The following CAP1 variants were observed in gnomAD, a reference collection of about 807,000 sequenced individuals.
The protein encoded by CAP1 is adenylyl cyclase-associated protein 1.
CAP1 carries 11 observed loss-of-function variants against 58.2 expected under a neutral mutation model. That is an observed-to-expected ratio of 0.19 (90% CI 0.12 to 0.31). The LOEUF is 0.31. Ranked by LOEUF, CAP1 falls within the 10% of genes least tolerant of loss-of-function variation. CAP1 has a pLI of 1.00. For missense variants in CAP1, 423 were observed against 587.5 expected, an observed-to-expected ratio of 0.72 and a Z score of 2.89; for synonymous variants, 183 against 213.8, an observed-to-expected ratio of 0.86 and a Z score of 1.26.
chr1:40,069,572 A>G, intron 8 of CAP1, 118 bp from the exon 9 acceptor site: 1 of 808,406 alleles, frequency 1.2e-6, no homozygotes, highest in Non-Finnish European at 2.0e-6. Context: ...CTTGCAAGAG[A>G]ACATCTCAAA....
At chr1:40,066,366 C>A (rs1282228390) in intron 7 of CAP1, 46 bp downstream of exon 7, 4 of 850,976 alleles carry the variant, frequency 4.7e-6, no homozygotes, top group African/African-American at 1.7e-5. Context: ...CACTTTCTCT[C>A]TCCAGCATGG....
At chr1:40,062,483 C>G (rs1244780368) in intron 4 of CAP1, among the ~76,000 whole-genome samples, 2 of 152,154 alleles carry the variant, frequency 1.3e-5, no homozygotes, top group Admixed American at 1.3e-4. Flanking sequence ...AGTGTGCTGG[C>G]TCATTCCTGT....
At chr1:40,060,480 C>G (rs1171009455) in intron 3 of CAP1, among the ~76,000 whole-genome samples, 30 of 152,146 alleles carry the variant, frequency 2.0e-4, no homozygotes, top group Admixed American at 2.0e-3. Context: ...ATTACATAAT[C>G]AAACCTACAG....
intron 1 of CAP1, among the ~76,000 whole-genome samples, chr1:40,043,798 AC>A (rs1255574216): frequency 6.6e-6 from 1 of 151,216 alleles, no homozygotes. Flanking sequence ...ACTCGCTTGA[AC>A]CCGGGAGGCG....
intron 1 of CAP1, among the ~76,000 whole-genome samples, chr1:40,051,430 C>T (rs1354639273): frequency 6.6e-6 from 1 of 151,966 alleles, no homozygotes; most frequent in Non-Finnish European, 1.5e-5. Flanking sequence ...GGCATGGTGG[C>T]ATGTAGTTAT....
At chr1:40,061,584 C>G (rs1470973690) in intron 3 of CAP1, 151 bp from the exon 4 acceptor site, 68 of 697,672 alleles carry the variant, frequency 9.7e-5, no homozygotes, top group South Asian at 8.3e-4. Context: ...TAATTCTGCT[C>G]TCAGTCCCTG....
At chr1:40,069,531 G>A in intron 8 of CAP1, 159 bp from the exon 9 acceptor site, 2 of 654,476 alleles carry the variant, frequency 3.1e-6, no homozygotes, top group Middle Eastern at 4.3e-4. Context: ...TTGGGGAGAA[G>A]AGAAATGATA....
chr1:40,067,779 A>C, intron 8 of CAP1, 62 bp downstream of exon 8: 1 of 1,225,088 alleles, frequency 8.2e-7, no homozygotes, highest in Admixed American at 2.3e-5. Flanking sequence ...GACCCCACCA[A>C]CCAGAACCGT....
intron 1 of CAP1, among the ~76,000 whole-genome samples, chr1:40,046,762 G>A (rs201109769): frequency 1.3e-5 from 2 of 149,224 alleles, no homozygotes; most frequent in East Asian, 4.0e-4. Context: ...GTAAGTATTT[G>A]TTTATTTAAA....
At position 40,064,561 on chromosome 1, in the gene CAP1, T is replaced by C; in HGVS notation, c.524+2T>C. 6.2e-7 allele frequency: 1 copy of C among 1,608,374 alleles called. No individual in the cohort carries two copies. Among genetic ancestry groups the C allele is most frequent in the Non-Finnish European group, 8.5e-7 (1 of 1,175,752 alleles). Reference sequence around the variant, plus strand: ...AGTCCTCAAAGAGTACAAAGATGTGTAAGTTCAGCCTTTTCTCTCTTTTTT... The same window carrying C: ...AGTCCTCAAAGAGTACAAAGATGTGCAAGTTCAGCCTTTTCTCTCTTTTTT... On this transcript the variant is annotated splice_donor_variant, in intron 6 of 12. Transcript: ENST00000372805. LOFTEE classifies it high-confidence loss of function.
chr1:40,054,697 A>G (rs1352288191), intron 1 of CAP1, among the ~76,000 whole-genome samples: 2 of 152,178 alleles, frequency 1.3e-5, no homozygotes, highest in South Asian at 2.1e-4. Context: ...GCTGGAGTGC[A>G]GTGGTACTAT....
chr1:40,064,129 A>G, intron 4 of CAP1, 98 bp from the exon 5 acceptor site: 1 of 1,158,342 alleles, frequency 8.6e-7, no homozygotes. Flanking sequence ...TTGGGTGCTC[A>G]CTAGAGTCCA....
intron 1 of CAP1, among the ~76,000 whole-genome samples, chr1:40,052,764 T>G (rs1003484103): frequency 3.3e-5 from 5 of 151,966 alleles, no homozygotes; most frequent in Admixed American, 3.3e-4. Context: ...TGAAAAAAAG[T>G]TGGCCTCCAT....
chr1:40,069,922 T>G, intron 9 of CAP1, 48 bp downstream of exon 9: 1 of 1,493,940 alleles, frequency 6.7e-7, no homozygotes, highest in Non-Finnish European at 8.9e-7. Context: ...ATTATTTTAT[T>G]TTTTTGAGAT....
rs1416007237 is a variant in CAP1 at position 40,069,768 on chromosome 1, G to A, written c.887G>A (p.Gly296Asp). 1.9e-6 allele frequency: 3 copies of A among 1,613,066 alleles called. No homozygotes were observed. The highest frequency in any genetic ancestry group is 2.7e-5 in the African/African-American group (2 of 74,810). Residue 296 changes from glycine (G) to aspartate (D), a missense_variant, in exon 9 of 13, where the codon GGC (glycine) becomes GAC (aspartate). Gly to Asp is a moderately conservative substitution (Grantham distance 94). Transcript: ENST00000372805. ...GCTCAGAGTGGTCCAGTACGCAGTG[G>A]CCCCAAACCATTCTCTGCACCTAAA... ...LKAQSGPVRSGPKPFSAPKPQ... is the reference protein window; with the variant it reads ...LKAQSGPVRSDPKPFSAPKPQ...
rs767403475 is a variant in CAP1, at chr1:40,069,718, G to A, written c.837G>A (p.Lys279=). The change falls in exon 9 of 13, where the codon AAG becomes AAA. Residue 279 remains lysine, a synonymous_variant. Coordinates refer to ENST00000372805, the MANE Select transcript of CAP1 (RefSeq NM_006367.4). ...HALKHVSDDM[K]THKNPALKAQ... ...TGAAACATGTATCTGATGACATGAA[G>A]ACTCACAAGAACCCTGCCCTGAAGG... 1.9e-6 allele frequency: 3 copies of A among 1,613,654 alleles called. No individual in the cohort carries two copies. The highest frequency in any genetic ancestry group is 3.3e-5 in the Admixed American group (2 of 59,954).
intron 1 of CAP1, among the ~76,000 whole-genome samples, chr1:40,052,022 A>T (rs901368791): frequency 3.9e-5 from 6 of 152,172 alleles, no homozygotes; most frequent in African/African-American, 1.2e-4. Context: ...CTATTTCTTC[A>T]GTAGGCCCAC....
rs376977391 is a variant in CAP1, at chr1:40,045,322, G to A, written c.-11+4521G>A. The stretch of plus-strand genomic sequence containing the variant: ...AAATTCTGTGAGGGCAGGCCCCATA[G>A]CCATACTTAGCACAGTCGATGGTAC... On this transcript the variant is annotated intron_variant, in intron 1 of 12. Coordinates refer to ENST00000372805, the MANE Select transcript of CAP1 (RefSeq NM_006367.4). Among the ~76,000 whole-genome samples the A allele has an allele frequency of 3.2e-3, 483 of 152,238 alleles. 1 individual carries two copies. Among genetic ancestry groups the A allele is most frequent in the African/African-American group, 0.011 (473 of 41,538 alleles).
At chr1:40,049,178 ATTTTTTTTTT>A (rs72214452) in intron 1 of CAP1, among the ~76,000 whole-genome samples, 11 of 84,886 alleles carry the variant, frequency 1.3e-4, no homozygotes, top group East Asian at 4.6e-4. Context: ...GCCATTTCTA[ATTTTTTTTTT>A]TTTTTTTTTT....
Sources: allele counts gnomAD v4.1 joint callset (sites outside exome capture counted in the v4.1 genomes callset), GRCh38; gene constraint gnomAD v4.1.1; transcripts MANE v1.5; gene names NCBI Gene and HGNC (gene_info 2026-07-23, HGNC 2026-07-21).